Variants in SLC38A4 observed in about 807,000 individuals in gnomAD.
The protein encoded by SLC38A4 is sodium-coupled neutral amino acid transporter 4.
A neutral mutation model predicts 63.1 loss-of-function variants in SLC38A4; 20 were observed. The observed-to-expected ratio is 0.32, with a 90% CI of 0.22 to 0.46. SLC38A4 has a LOEUF of 0.46. Ranked by LOEUF, SLC38A4 falls within the 20% of genes least tolerant of loss-of-function variation. SLC38A4 has a pLI of 1.00. For missense variants in SLC38A4, 526 were observed against 663.6 expected, an observed-to-expected ratio of 0.79 and a Z score of 2.28; for synonymous variants, 230 against 225.5, an observed-to-expected ratio of 1.02 and a Z score of -0.18.
At position 46,809,013 on chromosome 12, in the gene SLC38A4, T is replaced by C. The variant is rs140573853; in HGVS notation, c.-304-5219A>G. 7.4e-4 allele frequency among the ~76,000 whole-genome samples: 112 copies of C among 152,186 alleles called. 1 individual carries two copies. The highest frequency in any genetic ancestry group is 2.5e-3 in the African/African-American group (104 of 41,554). ...TTCTTCTTAGATCACAGCATATTAA[T>C]TTCCATGACTCTCTTTCATACTCCT... On this transcript the variant is annotated intron_variant, in intron 1 of 16. Transcript: ENST00000266579.
At chr12:46,798,716 G>A (rs1939068453) in intron 2 of SLC38A4, among the ~76,000 whole-genome samples, 1 of 152,086 alleles carries the variant, frequency 6.6e-6, no homozygotes, top group African/African-American at 2.4e-5. Context: ...ACACTCATAT[G>A]GCACTTACCA....
intron 16 of SLC38A4, 53 bp downstream of exon 16, chr12:46,768,257 C>T: frequency 2.3e-6 from 3 of 1,295,732 alleles, no homozygotes; most frequent in Non-Finnish European, 2.2e-6. Flanking sequence ...CTAGTTTATT[C>T]TAAGTAGTTG....
chr12:46,787,143 C>T (rs1247639139), intron 5 of SLC38A4, among the ~76,000 whole-genome samples: 1 of 152,158 alleles, frequency 6.6e-6, no homozygotes, highest in Non-Finnish European at 1.5e-5. Flanking sequence ...GGTGAAAGTA[C>T]GTAGGTTTAG....
intron 10 of SLC38A4, 53 bp from the exon 11 acceptor site, chr12:46,778,829 A>G: frequency 3.2e-6 from 5 of 1,544,394 alleles, no homozygotes; most frequent in South Asian, 2.4e-5. Flanking sequence ...AGAAAAAACA[A>G]TGAAATAAGA....
Position 46,788,622 on chromosome 12 carries a change from A to AAC in SLC38A4, c.120-6_120-5dup, listed in dbSNP as rs3217194. On this transcript the variant is annotated splice_region_variant and splice_polypyrimidine_tract_variant and intron_variant, in intron 3 of 16. Transcript: ENST00000266579. ...AGTGTCTTCATTAGCAAATTGACTG[A>AAC]ACACACACACACACAAATAAGAAAG... 96,623 of 1,598,658 alleles carry AAC rather than the reference A, an allele frequency of 0.06. 3,448 individuals are homozygous for AAC. The highest frequency in any genetic ancestry group is 0.24 in the East Asian group (10,486 of 44,024).
chr12:46,795,883 G>A (rs979676608), intron 2 of SLC38A4, among the ~76,000 whole-genome samples: 2 of 151,336 alleles, frequency 1.3e-5, no homozygotes, highest in South Asian at 2.1e-4. Flanking sequence ...GATGTGAGTC[G>A]CTTTTAAAAT....
chr12:46,771,398 G>A (rs1429112682), intron 14 of SLC38A4, among the ~76,000 whole-genome samples: 1 of 152,054 alleles, frequency 6.6e-6, no homozygotes, highest in Non-Finnish European at 1.5e-5. Flanking sequence ...TGTTAAAAAG[G>A]TGCATTCAAG....
At chr12:46,783,051 T>TGTGTGTGTGTGTGTGC (rs1555170940) in intron 7 of SLC38A4, among the ~76,000 whole-genome samples, 70 of 141,092 alleles carry the variant, frequency 5.0e-4, no homozygotes, top group Non-Finnish European at 7.8e-4. Context: ...TGTGTGTGTG[T>TGTGTGTGTGTGTGTGC]GTGTGTGTTA....
rs575614102 is a variant in SLC38A4 at position 46,812,333 on chromosome 12, G to T, written c.-304-8539C>A. On this transcript the variant is annotated intron_variant, in intron 1 of 16. Transcript: ENST00000266579. ...GACTTTTAGCATTAGCTTTTTCTGAGGAATCCTGAGAGGAGCTTCACTGTT... is the reference window on the plus strand; with the variant it reads ...GACTTTTAGCATTAGCTTTTTCTGATGAATCCTGAGAGGAGCTTCACTGTT... Among the ~76,000 whole-genome samples the T allele has an allele frequency of 2.0e-5, 3 of 152,058 alleles. No homozygotes were observed. The East Asian group carries it at 5.8e-4, about 30-fold the overall frequency.
chr12:46,813,310 T>C (rs1939376214), intron 1 of SLC38A4, among the ~76,000 whole-genome samples: 1 of 152,026 alleles, frequency 6.6e-6, no homozygotes, highest in African/African-American at 2.4e-5. Flanking sequence ...TCCTTTATTT[T>C]CTGTTCAAAT....
upstream of SLC38A4, among the ~76,000 whole-genome samples, chr12:46,829,485 A>G (rs906900290): frequency 1.3e-5 from 2 of 151,824 alleles, no homozygotes; most frequent in Non-Finnish European, 2.9e-5. Context: ...TAAAAATAGG[A>G]TAAGGCAAAA....
At chr12:46,824,061 G>A (rs974924696) in intron 1 of SLC38A4, among the ~76,000 whole-genome samples, 3 of 152,092 alleles carry the variant, frequency 2.0e-5, no homozygotes, top group Admixed American at 2.0e-4. Context: ...TGCTGTTTTG[G>A]GCTCTGGGTG....
intron 14 of SLC38A4, among the ~76,000 whole-genome samples, chr12:46,771,594 T>G (rs1938416714): frequency 6.6e-6 from 1 of 152,084 alleles, no homozygotes. Flanking sequence ...TCTTTCTGAA[T>G]AAGGAATAGG....
intron 14 of SLC38A4, among the ~76,000 whole-genome samples, chr12:46,770,783 C>T (rs756539711): frequency 6.6e-6 from 1 of 152,054 alleles, no homozygotes; most frequent in African/African-American, 2.4e-5. Flanking sequence ...GTGAATACTT[C>T]GGTTAAGCTA....
At chr12:46,786,856 T>C (rs574662643) in intron 5 of SLC38A4, among the ~76,000 whole-genome samples, 2 of 152,336 alleles carry the variant, frequency 1.3e-5, no homozygotes, top group South Asian at 2.1e-4. Context: ...ATTCAGAACA[T>C]AAACAGCACA....
chr12:46,769,479 T>C, intron 14 of SLC38A4, 51 bp from the exon 15 acceptor site: 1 of 1,573,342 alleles, frequency 6.4e-7, no homozygotes, highest in Non-Finnish European at 8.7e-7. Context: ...TTTGACTTTA[T>C]CTATTACTTC....
At chr12:46,812,803 A>C (rs1193090414) in intron 1 of SLC38A4, among the ~76,000 whole-genome samples, 1 of 152,028 alleles carries the variant, frequency 6.6e-6, no homozygotes, top group African/African-American at 2.4e-5. Flanking sequence ...ATTACACTTA[A>C]AAAGGGGTCA....
At chr12:46,800,419 C>T (rs1021631991) in intron 2 of SLC38A4, among the ~76,000 whole-genome samples, 2 of 152,094 alleles carry the variant, frequency 1.3e-5, no homozygotes, top group Non-Finnish European at 2.9e-5. Flanking sequence ...CCCTCACTCA[C>T]TGAATATATT....
chr12:46,768,162 C>T, intron 16 of SLC38A4, 148 bp downstream of exon 16: 1 of 550,434 alleles, frequency 1.8e-6, no homozygotes, highest in Non-Finnish European at 3.2e-6. Context: ...AATATGTCCC[C>T]TTTCTCTGCT....
Sources: gnomAD v4.1 joint callset for allele counts (sites outside exome capture counted in the v4.1 genomes callset) on GRCh38, gnomAD v4.1.1 for gene constraint, MANE v1.5 for transcripts, NCBI Gene and HGNC (gene_info 2026-07-23, HGNC 2026-07-21) for gene names.